The following WWP1 variants were observed in gnomAD, a reference collection of about 807,000 sequenced individuals.
WWP1 encodes NEDD4-like E3 ubiquitin-protein ligase WWP1.
WWP1 carries 49 observed loss-of-function variants against 130.6 expected under a neutral mutation model. The observed-to-expected ratio is 0.38, with a 90% CI of 0.30 to 0.48. The LOEUF is 0.48. WWP1 is among the 20% of genes least tolerant of loss of function. WWP1 has a pLI of 0.99. For missense variants in WWP1, 809 were observed against 1,100.6 expected (o/e 0.74, Z 3.75); for synonymous variants, 332 against 367.8 (o/e 0.90, Z 1.11).
At chr8:86,370,202 T>C (rs1824206924) in intron 2 of WWP1, among the ~76,000 whole-genome samples, 1 of 152,244 alleles carries the variant, frequency 6.6e-6, no homozygotes, top group South Asian at 2.1e-4. Flanking sequence ...ATATGGTATT[T>C]TATTATAGAA....
intron 8 of WWP1, among the ~76,000 whole-genome samples, chr8:86,404,662 T>G (rs1332145716): frequency 6.6e-6 from 1 of 152,254 alleles, no homozygotes; most frequent in Non-Finnish European, 1.5e-5. Flanking sequence ...AGCTCATATT[T>G]GTGCCCTGCA....
At chr8:86,344,908 T>C (rs991322582) in intron 1 of WWP1, among the ~76,000 whole-genome samples, 3 of 152,206 alleles carry the variant, frequency 2.0e-5, no homozygotes, top group African/African-American at 7.2e-5. Context: ...ATGCCAGACT[T>C]ATGACCTTGG....
At chr8:86,372,407 G>A (rs988937303) in intron 2 of WWP1, among the ~76,000 whole-genome samples, 2 of 152,166 alleles carry the variant, frequency 1.3e-5, no homozygotes, top group Admixed American at 1.3e-4. Context: ...TGATCCACCC[G>A]CCTTGGCCTG....
chr8:86,457,432 T>TATCTATCTATCTATCTATCTAGATATAA (rs1811515529), intron 21 of WWP1, among the ~76,000 whole-genome samples: 4 of 82,492 alleles, frequency 4.8e-5, no homozygotes, highest in African/African-American at 1.4e-4. Context: ...TCTGTCTGTC[T>TATCTATCTATCTATCTATCTAGATATAA]ATCTATCTAT....
At chr8:86,410,872 T>C (rs1439147819) in intron 8 of WWP1, among the ~76,000 whole-genome samples, 1 of 152,174 alleles carries the variant, frequency 6.6e-6, no homozygotes. Context: ...CTCTGCCATT[T>C]CCATTAGAAC....
intron 1 of WWP1, among the ~76,000 whole-genome samples, chr8:86,360,330 G>A (rs1823519986): frequency 6.6e-6 from 1 of 152,008 alleles, no homozygotes; most frequent in Non-Finnish European, 1.5e-5. Context: ...CTTTCACATT[G>A]TTCAGTAAAC....
At chr8:86,437,353 C>T (rs1355912427) in intron 16 of WWP1, among the ~76,000 whole-genome samples, 1 of 152,124 alleles carries the variant, frequency 6.6e-6, no homozygotes, top group Non-Finnish European at 1.5e-5. Flanking sequence ...TAAATAATTG[C>T]TCATTATAGC....
chr8:86,378,726 C>G (rs1421850652), intron 3 of WWP1, among the ~76,000 whole-genome samples: 2 of 152,152 alleles, frequency 1.3e-5, no homozygotes, highest in African/African-American at 2.4e-5. Flanking sequence ...AATCTCTTTT[C>G]TTACCTTACC....
Position 86,425,328 on chromosome 8 carries a change from C to A in WWP1, c.1157+10C>A. The A allele has an allele frequency of 6.3e-7, 1 of 1,588,734 alleles. No individual in the cohort carries two copies. Among genetic ancestry groups the A allele is most frequent in the South Asian group, 1.1e-5 (1 of 88,026 alleles). On this transcript the variant is annotated intron_variant, in intron 10 of 24. Transcript: ENST00000517970. ...AACCTTTACCTCCAGGGTAATATAG[C>A]ACTCTTTATGCATTTGTAATTATAT...
intron 1 of WWP1, among the ~76,000 whole-genome samples, chr8:86,364,691 A>T (rs2130238451): frequency 6.6e-6 from 1 of 152,088 alleles, no homozygotes; most frequent in Non-Finnish European, 1.5e-5. Context: ...CTGTAGTGTC[A>T]ACTACTTGAG....
At chr8:86,437,115 G>C (rs531176885) in intron 16 of WWP1, among the ~76,000 whole-genome samples, 1 of 152,110 alleles carries the variant, frequency 6.6e-6, no homozygotes, top group Non-Finnish European at 1.5e-5. Flanking sequence ...TTGATGTATA[G>C]CACTGAGCCC....
chr8:86,460,941 C>T (rs530405591), intron 22 of WWP1, among the ~76,000 whole-genome samples: 51 of 151,646 alleles, frequency 3.4e-4, no homozygotes, highest in Admixed American at 8.5e-4. Flanking sequence ...TCTCGAGTAG[C>T]TGGGACTACA....
intron 17 of WWP1, among the ~76,000 whole-genome samples, chr8:86,441,083 G>T (rs1002025678): frequency 6.6e-6 from 1 of 152,178 alleles, no homozygotes. Context: ...GCTAGCATCA[G>T]AGGAAAAGAG....
At chr8:86,445,399 T>C (rs1434964910) in intron 18 of WWP1, among the ~76,000 whole-genome samples, 1 of 152,156 alleles carries the variant, frequency 6.6e-6, no homozygotes, top group Non-Finnish European at 1.5e-5. Flanking sequence ...TTTATGTCCA[T>C]GTGTGCCCAA....
chr8:86,438,559 A>C (rs750287631), intron 16 of WWP1, 26 bp from the exon 17 acceptor site: 8 of 1,540,282 alleles, frequency 5.2e-6, no homozygotes, highest in Non-Finnish European at 7.0e-6. Context: ...TGAGTATTTA[A>C]TATTCATGTT....
chr8:86,409,599 C>A (rs1459907115), intron 8 of WWP1, among the ~76,000 whole-genome samples: 1 of 151,340 alleles, frequency 6.6e-6, no homozygotes, highest in African/African-American at 2.4e-5. Flanking sequence ...GTGGCTCATG[C>A]CTGTAATCCC....
At chr8:86,438,730 A>G in intron 17 of WWP1, 57 bp downstream of exon 17, 1 of 1,378,414 alleles carries the variant, frequency 7.3e-7, no homozygotes, top group South Asian at 1.4e-5. Context: ...GTATACAGGG[A>G]AAGTATTCTT....
rs568084293 is a variant in WWP1, at chr8:86,466,949, A to G, written c.*56A>G. On this transcript the variant is annotated 3_prime_UTR_variant, in exon 25 of 25. Transcript: ENST00000517970. ...CATTTAAATACCCCAGCCAAGAAAA[A>G]TTGCACAGATAGTGTATATAAGCTG... The G allele has an allele frequency of 7.6e-6, 10 of 1,319,716 alleles. No homozygotes were observed. In the East Asian group the frequency reaches 2.3e-4, roughly 31 times the overall value. The allele number at this position is 1,319,716 out of a possible 1,614,324, so 81.8% of individuals were successfully genotyped here.
At chr8:86,382,583 C>G (rs1336463588) in intron 5 of WWP1, among the ~76,000 whole-genome samples, 2 of 152,158 alleles carry the variant, frequency 1.3e-5, no homozygotes, top group Admixed American at 6.5e-5. Flanking sequence ...CCTGTTGTCC[C>G]AGCTACTTGG....
Sources: allele counts gnomAD v4.1 joint callset (sites outside exome capture counted in the v4.1 genomes callset), GRCh38; gene constraint gnomAD v4.1.1; transcripts MANE v1.5; gene names NCBI Gene and HGNC (gene_info 2026-07-23, HGNC 2026-07-21).